PLPP4: variants seen among roughly 807,000 people sequenced by gnomAD.
PLPP4 encodes the protein diacylglycerol pyrophosphate like 2.
A neutral mutation model predicts 32.2 loss-of-function variants in PLPP4; 20 were observed. That is an observed-to-expected ratio of 0.62 (90% CI 0.44 to 0.90). The LOEUF is 0.90. PLPP4 is among the 40% of genes least tolerant of loss of function. The pLI is 0.00. For synonymous variants in PLPP4, 127 were observed against 133.0 expected, an observed-to-expected ratio of 0.95 and a Z score of 0.31; for missense variants, 257 against 353.1, an observed-to-expected ratio of 0.73 and a Z score of 2.18.
At chr10:120,554,040 A>G (rs538028380) in intron 5 of PLPP4, among the ~76,000 whole-genome samples, 3 of 152,304 alleles carry the variant, frequency 2.0e-5, no homozygotes, top group East Asian at 3.9e-4. Context: ...TTCCTACCGC[A>G]TAGTCAGGCT....
At chr10:120,546,160 T>C (rs1847607881) in intron 5 of PLPP4, among the ~76,000 whole-genome samples, 1 of 152,272 alleles carries the variant, frequency 6.6e-6, no homozygotes, top group Admixed American at 6.5e-5. Flanking sequence ...AGCTTGCAGA[T>C]GGCCTTTTGT....
rs138996256 is a variant in PLPP4 at position 120,478,950 on chromosome 10, G to A, written c.56+21589G>A. Among the ~76,000 whole-genome samples the A allele has an allele frequency of 2.8e-3, 420 of 152,336 alleles. 2 individuals carry two copies. The highest frequency in any genetic ancestry group is 4.0e-3 in the Non-Finnish European group (273 of 68,036). On this transcript the variant is annotated intron_variant, in intron 1 of 6. Transcript: ENST00000398250. ...AAATTCTGAGTCAAAAAACTGGCTG[G>A]GCGCAGTGGCTCACGCCTGTAATCC...
intron 1 of PLPP4, among the ~76,000 whole-genome samples, chr10:120,462,205 G>A (rs947585566): frequency 6.6e-6 from 1 of 150,884 alleles, no homozygotes; most frequent in African/African-American, 2.4e-5. Flanking sequence ...AGGTCACCAA[G>A]TGTGGCCTCA....
intron 5 of PLPP4, among the ~76,000 whole-genome samples, chr10:120,573,292 TA>T (rs1475226297): frequency 6.6e-6 from 1 of 152,234 alleles, no homozygotes; most frequent in African/African-American, 2.4e-5. Flanking sequence ...AATATTCCAT[TA>T]AAATTTTTTT....
rs182872627 is a variant in PLPP4 at position 120,566,774 on chromosome 10, C to T, written c.446-8357C>T. On this transcript the variant is annotated intron_variant, in intron 5 of 6. Transcript: ENST00000398250. ...TTCACTATGTTAGCCAGGCTGGTCC[C>T]GAACTCCTGACCTCAGGTGATCCAC... is the stretch of plus-strand genomic sequence containing the variant. Among the ~76,000 whole-genome samples the T allele has an allele frequency of 1.2e-4, 18 of 152,224 alleles. No homozygotes were observed. The South Asian group carries it at 2.1e-3, about 18-fold the overall frequency.
At chr10:120,504,300 G>A (rs902035571) in intron 2 of PLPP4, among the ~76,000 whole-genome samples, 3 of 152,198 alleles carry the variant, frequency 2.0e-5, no homozygotes, top group Non-Finnish European at 2.9e-5. Context: ...CCCTGCTACT[G>A]TGTCCCGTCT....
intron 5 of PLPP4, among the ~76,000 whole-genome samples, chr10:120,538,022 C>CTGTG (rs1847122325): frequency 1.8e-5 from 1 of 56,430 alleles, no homozygotes; most frequent in Admixed American, 1.9e-4. Flanking sequence ...CTCTCTCTCT[C>CTGTG]TCTCTCTCTC....
intron 1 of PLPP4, among the ~76,000 whole-genome samples, chr10:120,493,538 C>T (rs867971667): frequency 1.4e-4 from 22 of 152,236 alleles, no homozygotes; most frequent in Middle Eastern, 3.4e-3. Context: ...TTTACCCGCA[C>T]GGCCTGTTCT....
At chr10:120,547,449 T>A (rs1847681096) in intron 5 of PLPP4, among the ~76,000 whole-genome samples, 1 of 152,182 alleles carries the variant, frequency 6.6e-6, no homozygotes, top group Non-Finnish European at 1.5e-5. Context: ...TTTTAAAAAT[T>A]GATATTTTGG....
In PLPP4 at chr10:120,541,999, A is replaced by G. The variant is rs867337020; in HGVS notation, c.445+20904A>G. On this transcript the variant is annotated intron_variant, in intron 5 of 6. Transcript: ENST00000398250. ...CACCATGTTGGCCAGGCTGGTCTCA[A>G]ACTCCTGACCTCGTGATTCATTAAG... Among the ~76,000 whole-genome samples the G allele has an allele frequency of 2.0e-5, 3 of 152,190 alleles. No individual in the cohort carries two copies. The South Asian group carries it at 6.2e-4, about 32-fold the overall frequency.
intron 5 of PLPP4, among the ~76,000 whole-genome samples, chr10:120,566,068 T>C (rs940627501): frequency 6.6e-6 from 1 of 152,118 alleles, no homozygotes; most frequent in African/African-American, 2.4e-5. Context: ...TTTTATAATG[T>C]TTGTTTTCTG....
In PLPP4 at chr10:120,590,422, T is replaced by C. The variant is rs368860554; in HGVS notation, c.*920T>C. ...GGCTGAGAATTTTTCCCCTTTAGGATCTGAGTTTTGCAGAGCTCTGCTCTA... is the reference window on the plus strand; with the variant it reads ...GGCTGAGAATTTTTCCCCTTTAGGACCTGAGTTTTGCAGAGCTCTGCTCTA... On this transcript the variant is annotated 3_prime_UTR_variant, in exon 7 of 7. Coordinates refer to ENST00000398250, the MANE Select transcript of PLPP4 (RefSeq NM_001030059.3). Among the ~76,000 whole-genome samples, 22 of 152,282 alleles carry C rather than the reference T, an allele frequency of 1.4e-4. No individual in the cohort carries two copies. In the South Asian group the frequency reaches 3.7e-3, roughly 26 times the overall value.
chr10:120,498,437 T>G (rs886940651), intron 1 of PLPP4, among the ~76,000 whole-genome samples: 2 of 152,232 alleles, frequency 1.3e-5, no homozygotes, highest in Non-Finnish European at 2.9e-5. Flanking sequence ...AAATGATTCA[T>G]AAATGATACC....
intron 1 of PLPP4, among the ~76,000 whole-genome samples, chr10:120,464,836 G>A (rs1041847899): frequency 6.6e-6 from 1 of 152,200 alleles, no homozygotes; most frequent in African/African-American, 2.4e-5. Context: ...CAGCCCATCT[G>A]TGCATGCTGT....
At chr10:120,554,069 T>C (rs1280791116) in intron 5 of PLPP4, among the ~76,000 whole-genome samples, 1 of 152,242 alleles carries the variant, frequency 6.6e-6, no homozygotes, top group Non-Finnish European at 1.5e-5. Context: ...TCTAAATTTT[T>C]ATGTTCTGCT....
intron 5 of PLPP4, among the ~76,000 whole-genome samples, chr10:120,540,510 C>T (rs1274214850): frequency 6.6e-6 from 1 of 152,160 alleles, no homozygotes; most frequent in Non-Finnish European, 1.5e-5. Flanking sequence ...GGCAGGACCG[C>T]TGTGAGCCCA....
intron 5 of PLPP4, among the ~76,000 whole-genome samples, chr10:120,573,191 T>A (rs1261014905): frequency 1.3e-5 from 2 of 152,218 alleles, no homozygotes; most frequent in African/African-American, 4.8e-5. Context: ...AGGGTGCTAA[T>A]CATTACGCAG....
intron 3 of PLPP4, among the ~76,000 whole-genome samples, chr10:120,515,589 G>A (rs1482761664): frequency 6.6e-6 from 1 of 152,212 alleles, no homozygotes; most frequent in Non-Finnish European, 1.5e-5. Context: ...GGTCAGGTGT[G>A]TACCGCAGGC....
At chr10:120,477,944 T>C (rs1168940314) in intron 1 of PLPP4, among the ~76,000 whole-genome samples, 1 of 151,954 alleles carries the variant, frequency 6.6e-6, no homozygotes, top group African/African-American at 2.4e-5. Flanking sequence ...AGAGGACAAG[T>C]TGAGGAGGGC....
Sources: allele counts gnomAD v4.1 joint callset (sites outside exome capture counted in the v4.1 genomes callset), GRCh38; gene constraint gnomAD v4.1.1; transcripts MANE v1.5; gene names NCBI Gene and HGNC (gene_info 2026-07-23, HGNC 2026-07-21).